The following CSRNP3 variants were observed in gnomAD, a reference collection of about 807,000 sequenced individuals.
CSRNP3 encodes cysteine and serine rich nuclear protein 3, also known as cysteine/serine-rich nuclear protein 3.
Under a neutral mutation model 48.0 loss-of-function variants are expected in CSRNP3, and 12 were observed. The ratio of observed to expected loss-of-function variants is 0.25; its 90% confidence interval spans 0.16 to 0.41. The LOEUF (loss-of-function observed/expected upper bound fraction) is 0.41. CSRNP3 is among the 10% of genes least tolerant of loss of function. The pLI, the probability that CSRNP3 is intolerant of heterozygous loss-of-function variation, is 1.00. For synonymous variants in CSRNP3, 263 were observed against 269.7 expected (o/e 0.98, Z 0.24); for missense variants, 580 against 724.4 (o/e 0.80, Z 2.29).
rs114441913 is a variant in CSRNP3 at position 165,510,226 on chromosome 2, G to T, written c.-112-7647G>T. On this transcript the variant is annotated intron_variant, in intron 2 of 6. Transcript: ENST00000651982. ...TAACCCAACCCAGGTCACACTCAAG[G>T]TCGATGGTGGTGATCAAGCTTTGCT... Among the ~76,000 whole-genome samples the T allele has an allele frequency of 1.8e-3, 273 of 152,166 alleles. 2 individuals are homozygous for T. Among genetic ancestry groups the T allele is most frequent in the African/African-American group, 6.1e-3 (254 of 41,522 alleles).
chr2:165,542,556 A>T (rs897206780), intron 3 of CSRNP3, among the ~76,000 whole-genome samples: 4 of 152,172 alleles, frequency 2.6e-5, no homozygotes, highest in Non-Finnish European at 4.4e-5. Context: ...CAATGACCTC[A>T]TAATTTTAAT....
At chr2:165,600,674 C>G (rs1464367007) in intron 4 of CSRNP3, among the ~76,000 whole-genome samples, 19 of 152,180 alleles carry the variant, frequency 1.2e-4, no homozygotes. Flanking sequence ...TTGCATTTCT[C>G]TGATGGCCAG....
chr2:165,472,932 G>T (rs1278749228), intron 1 of CSRNP3, among the ~76,000 whole-genome samples: 1 of 152,052 alleles, frequency 6.6e-6, no homozygotes, highest in Non-Finnish European at 1.5e-5. Flanking sequence ...ATGGTGGGAA[G>T]TATTTTGTTT....
intron 3 of CSRNP3, among the ~76,000 whole-genome samples, chr2:165,536,626 T>C (rs1684885775): frequency 6.6e-6 from 1 of 151,936 alleles, no homozygotes; most frequent in African/African-American, 2.4e-5. Flanking sequence ...GCGTGTAATG[T>C]TAAGCATGTG....
chr2:165,533,320 T>C (rs1684839383), intron 3 of CSRNP3, among the ~76,000 whole-genome samples: 1 of 152,118 alleles, frequency 6.6e-6, no homozygotes, highest in Non-Finnish European at 1.5e-5. Flanking sequence ...GAATAACTAC[T>C]CATTTCCAAA....
intron 3 of CSRNP3, among the ~76,000 whole-genome samples, chr2:165,578,468 AGTAGGT>A (rs1315456606): frequency 6.6e-6 from 1 of 152,116 alleles, no homozygotes; most frequent in African/African-American, 2.4e-5. Flanking sequence ...ATACCATTTT[AGTAGGT>A]GTTCTCATAT....
chr2:165,497,958 A>T (rs1574805237), intron 2 of CSRNP3, among the ~76,000 whole-genome samples: 1 of 152,094 alleles, frequency 6.6e-6, no homozygotes, highest in East Asian at 1.9e-4. Flanking sequence ...CTGGCTTCTC[A>T]TTTCTTATTG....
chr2:165,568,536 C>G (rs1477334826), intron 3 of CSRNP3, among the ~76,000 whole-genome samples: 2 of 152,100 alleles, frequency 1.3e-5, no homozygotes, highest in East Asian at 3.9e-4. Flanking sequence ...TCCAGCATGA[C>G]AGCCTCAGGG....
chr2:165,522,555 T>C (rs1250819629), intron 3 of CSRNP3, among the ~76,000 whole-genome samples: 11 of 152,026 alleles, frequency 7.2e-5, no homozygotes, highest in Admixed American at 7.2e-4. Context: ...ATTACATATG[T>C]AACCTGACTT....
chr2:165,624,015 G>A (rs1363185300), intron 4 of CSRNP3, among the ~76,000 whole-genome samples: 3 of 151,882 alleles, frequency 2.0e-5, no homozygotes, highest in African/African-American at 4.8e-5. Flanking sequence ...TTCTCTTATC[G>A]CTCCCACTCC....
At chr2:165,488,493 A>AT (rs1684154035) in intron 1 of CSRNP3, among the ~76,000 whole-genome samples, 1 of 118,854 alleles carries the variant, frequency 8.4e-6, no homozygotes, top group East Asian at 2.6e-4. Flanking sequence ...CAGAATATAC[A>AT]TTTTTTTCAG....
intron 4 of CSRNP3, among the ~76,000 whole-genome samples, chr2:165,628,151 C>G (rs1411181120): frequency 6.6e-6 from 1 of 152,134 alleles, no homozygotes; most frequent in Non-Finnish European, 1.5e-5. Flanking sequence ...ATATCCAAAC[C>G]TTATATTTCA....
chr2:165,506,998 G>C (rs1291681526), intron 2 of CSRNP3, among the ~76,000 whole-genome samples: 1 of 151,824 alleles, frequency 6.6e-6, no homozygotes. Context: ...CTTTGATCTC[G>C]TAGTTCATAA....
At position 165,653,972 on chromosome 2, in the gene CSRNP3, C is replaced by CAAAAAAAAAAA. The variant is rs71028497; in HGVS notation, c.149-3763_149-3753dup. On this transcript the variant is annotated intron_variant, in intron 4 of 6. Transcript: ENST00000651982. ...GGGCAACAAGAGCGAAGCTCTATCACAAAAAAAAAAAAAAAAAAAAAAAAA... is the reference window on the plus strand; with the variant it reads ...GGGCAACAAGAGCGAAGCTCTATCACAAAAAAAAAAAAAAAAAAAAAAAAAAAAAAAAAAAA... Among the ~76,000 whole-genome samples, 36 of 41,226 alleles carry CAAAAAAAAAAA rather than the reference C, an allele frequency of 8.7e-4. 6 individuals are homozygous for CAAAAAAAAAAA. Among genetic ancestry groups the CAAAAAAAAAAA allele is most frequent in the African/African-American group, 3.4e-3 (34 of 10,118 alleles). 27.0% of individuals were successfully genotyped at this position (41,226 alleles called of 152,430 possible).
At chr2:165,574,439 G>A in intron 3 of CSRNP3, 2 of 1,532,168 alleles carry the variant, frequency 1.3e-6, no homozygotes, top group Non-Finnish European at 1.8e-6. Flanking sequence ...CAGGTATGGT[G>A]ACATTTCATG....
chr2:165,637,135 G>A (rs1226180674), intron 4 of CSRNP3, among the ~76,000 whole-genome samples: 1 of 152,186 alleles, frequency 6.6e-6, no homozygotes, highest in Non-Finnish European at 1.5e-5. Flanking sequence ...ATTCTAGGTT[G>A]ATTCAACAAG....
At chr2:165,557,742 C>T (rs986211515) in intron 3 of CSRNP3, among the ~76,000 whole-genome samples, 2 of 152,186 alleles carry the variant, frequency 1.3e-5, no homozygotes, top group Admixed American at 6.5e-5. Context: ...GCCTTCCTTT[C>T]AGCCATTCTC....
In CSRNP3 at chr2:165,680,958, C is replaced by G. The variant is rs1486839327; in HGVS notation, c.*1205C>G. ...TAGTGACTAGCTGATTGAAGGGGGG[C>G]CTCTACCCAAATACTCAACTAGGCC... On this transcript the variant is annotated 3_prime_UTR_variant, in exon 7 of 7. Coordinates refer to ENST00000651982, the MANE Select transcript of CSRNP3 (RefSeq NM_001172173.2). 6.6e-6 allele frequency: 1 copy of G among 152,144 alleles called. No homozygotes were observed. 9.4% of individuals were successfully genotyped at this position (152,144 alleles called of 1,614,324 possible).
At chr2:165,493,573 G>T (rs1035347825) in intron 1 of CSRNP3, among the ~76,000 whole-genome samples, 1 of 152,024 alleles carries the variant, frequency 6.6e-6, no homozygotes, top group Non-Finnish European at 1.5e-5. Context: ...ATAAGAGAAA[G>T]AAAAATGCAG....
Sources: gnomAD v4.1 joint callset for allele counts (sites outside exome capture counted in the v4.1 genomes callset) on GRCh38, gnomAD v4.1.1 for gene constraint, MANE v1.5 for transcripts, NCBI Gene and HGNC (gene_info 2026-07-23, HGNC 2026-07-21) for gene names.